Variants in CNTNAP2 observed in about 807,000 individuals in gnomAD.
CNTNAP2 encodes the protein contactin-associated protein-like 2.
Under a neutral mutation model 155.2 loss-of-function variants are expected in CNTNAP2, and 98 were observed. The ratio of observed to expected loss-of-function variants is 0.63; its 90% confidence interval spans 0.54 to 0.75. CNTNAP2 has a LOEUF of 0.75. CNTNAP2 is among the 30% of genes least tolerant of loss of function. The pLI is 0.00. For missense variants in CNTNAP2, 1,727 were observed against 1,688.1 expected (o/e 1.02, Z -0.40); for synonymous variants, 651 against 631.2 (o/e 1.03, Z -0.47).
At chr7:146,651,164 G>A (rs1196305035) in intron 1 of CNTNAP2, among the ~76,000 whole-genome samples, 1 of 152,108 alleles carries the variant, frequency 6.6e-6, no homozygotes, top group East Asian at 1.9e-4. Context: ...GGTAGTAAGT[G>A]AAAAACTGAA....
At chr7:148,092,920 A>T (rs1042881889) in intron 15 of CNTNAP2, among the ~76,000 whole-genome samples, 1 of 151,194 alleles carries the variant, frequency 6.6e-6, no homozygotes, top group East Asian at 1.9e-4. Context: ...GCTTTGGTCC[A>T]GGTGCCTGCC....
intron 8 of CNTNAP2, among the ~76,000 whole-genome samples, chr7:147,231,154 G>A (rs532893679): frequency 1.5e-4 from 23 of 152,350 alleles, no homozygotes; most frequent in Non-Finnish European, 2.1e-4. Flanking sequence ...GGGGGATACC[G>A]TCTTCACGAT....
chr7:148,303,123 T>G (rs1797424546), intron 21 of CNTNAP2, among the ~76,000 whole-genome samples: 1 of 152,078 alleles, frequency 6.6e-6, no homozygotes, highest in Non-Finnish European at 1.5e-5. Flanking sequence ...TATAGCAGTG[T>G]GAAAATGGAC....
intron 13 of CNTNAP2, among the ~76,000 whole-genome samples, chr7:147,883,405 AAGAAT>A (rs1212238600): frequency 1.3e-5 from 2 of 152,216 alleles, no homozygotes; most frequent in African/African-American, 4.8e-5. Context: ...CTGCTAAGAA[AAGAAT>A]AGAGATGTGA....
At chr7:148,324,915 T>C (rs1380118843) in intron 21 of CNTNAP2, among the ~76,000 whole-genome samples, 1 of 151,996 alleles carries the variant, frequency 6.6e-6, no homozygotes, top group Non-Finnish European at 1.5e-5. Context: ...ATAAGCAGAA[T>C]ATTTAAGACT....
At chr7:147,632,836 T>C (rs1795110120) in intron 12 of CNTNAP2, among the ~76,000 whole-genome samples, 1 of 152,180 alleles carries the variant, frequency 6.6e-6, no homozygotes, top group Admixed American at 6.5e-5. Flanking sequence ...ATATGGACAA[T>C]GAAGTCTAGT....
At chr7:147,018,772 C>A (rs983719349) in intron 3 of CNTNAP2, among the ~76,000 whole-genome samples, 36 of 151,968 alleles carry the variant, frequency 2.4e-4, no homozygotes, top group Admixed American at 4.6e-4. Context: ...TAAAGAGCCG[C>A]TATGTTCTAA....
At chr7:146,651,020 A>T (rs1334663310) in intron 1 of CNTNAP2, among the ~76,000 whole-genome samples, 2 of 146,602 alleles carry the variant, frequency 1.4e-5, no homozygotes, top group Admixed American at 6.9e-5. Flanking sequence ...AACATAGTGA[A>T]TTTTTTTTTT....
At chr7:148,368,165 T>C (rs71532727) in intron 21 of CNTNAP2, among the ~76,000 whole-genome samples, 2 of 152,238 alleles carry the variant, frequency 1.3e-5, no homozygotes, top group Non-Finnish European at 2.9e-5. Context: ...TTCTTCCTTG[T>C]CTCTTATCCT....
chr7:147,809,402 AT>A (rs1223583729), intron 13 of CNTNAP2, among the ~76,000 whole-genome samples: 1 of 152,042 alleles, frequency 6.6e-6, no homozygotes, highest in African/African-American at 2.4e-5. Flanking sequence ...TGAAAGGTGC[AT>A]TTTTTTTATT....
At chr7:147,740,345 C>T (rs766717821) in intron 13 of CNTNAP2, among the ~76,000 whole-genome samples, 4 of 152,016 alleles carry the variant, frequency 2.6e-5, no homozygotes, top group African/African-American at 7.2e-5. Flanking sequence ...GAATTGGGCC[C>T]CCAAAAATAG....
At chr7:147,742,403 C>T (rs920526286) in intron 13 of CNTNAP2, among the ~76,000 whole-genome samples, 1 of 152,182 alleles carries the variant, frequency 6.6e-6, no homozygotes, top group African/African-American at 2.4e-5. Flanking sequence ...ATTCACCATA[C>T]ACTCTCCTAG....
intron 9 of CNTNAP2, among the ~76,000 whole-genome samples, chr7:147,368,013 TCC>T (rs139772323): frequency 1.0e-4 from 8 of 79,406 alleles, no homozygotes; most frequent in African/African-American, 2.4e-4. Flanking sequence ...TCTCTCTCTC[TCC>T]CCCCCCTCCC....
chr7:148,330,705 G>T (rs942719360), intron 21 of CNTNAP2, among the ~76,000 whole-genome samples: 9 of 143,892 alleles, frequency 6.3e-5, no homozygotes, highest in Non-Finnish European at 1.1e-4. Flanking sequence ...GACGGATGGA[G>T]TGGGTGAAGT....
chr7:147,176,630 GTATAATATAATATT>G (rs1278664542), intron 8 of CNTNAP2, among the ~76,000 whole-genome samples: 5 of 135,930 alleles, frequency 3.7e-5, no homozygotes, highest in African/African-American at 1.4e-4. Context: ...ACATACACAC[GTATAATATAATATT>G]TATAATATAA....
At chr7:147,464,365 G>A (rs771579319) in intron 10 of CNTNAP2, among the ~76,000 whole-genome samples, 1 of 151,586 alleles carries the variant, frequency 6.6e-6, no homozygotes, top group Non-Finnish European at 1.5e-5. Context: ...TACACGGGAG[G>A]CTGAGGCAGG....
At chr7:147,291,676 T>G (rs1203843599) in intron 8 of CNTNAP2, among the ~76,000 whole-genome samples, 1 of 152,168 alleles carries the variant, frequency 6.6e-6, no homozygotes, top group Non-Finnish European at 1.5e-5. Flanking sequence ...TGTTGGGTCA[T>G]AGGATTAATA....
chr7:146,472,243 G>A (rs1187159728), intron 1 of CNTNAP2, among the ~76,000 whole-genome samples: 2 of 152,002 alleles, frequency 1.3e-5, no homozygotes, highest in Admixed American at 6.6e-5. Flanking sequence ...CGCTATATAT[G>A]GCTCGTAAAT....
At chr7:146,929,073 T>A (rs1330359201) in intron 3 of CNTNAP2, among the ~76,000 whole-genome samples, 3 of 152,182 alleles carry the variant, frequency 2.0e-5, no homozygotes, top group Non-Finnish European at 4.4e-5. Flanking sequence ...CTGACAGCTT[T>A]GAAGAGAGCA....
Sources: allele counts gnomAD v4.1 joint callset (sites outside exome capture counted in the v4.1 genomes callset), GRCh38; gene constraint gnomAD v4.1.1; transcripts MANE v1.5; gene names NCBI Gene and HGNC (gene_info 2026-07-23, HGNC 2026-07-21).